Variants in PDE1C observed in about 807,000 individuals in gnomAD.
PDE1C encodes phosphodiesterase 1C, also known as dual specificity calcium/calmodulin-dependent 3',5'-cyclic nucleotide phosphodiesterase 1C.
A neutral mutation model predicts 93.1 loss-of-function variants in PDE1C; 62 were observed. That is an observed-to-expected ratio of 0.67 (90% CI 0.54 to 0.82). The LOEUF is 0.82. Among genes scored for constraint, PDE1C ranks in the 40% least tolerant of loss-of-function variants. PDE1C has a pLI of 0.00. For synonymous variants in PDE1C, 325 were observed against 310.1 expected (o/e 1.05, Z -0.50); for missense variants, 742 against 884.6 (o/e 0.84, Z 2.04).
chr7:32,141,582 G>A (rs1412472113), intron 3 of PDE1C, among the ~76,000 whole-genome samples: 1 of 152,144 alleles, frequency 6.6e-6, no homozygotes, highest in Non-Finnish European at 1.5e-5. Flanking sequence ...ACAGAGAGAT[G>A]ATATTTGACC....
At chr7:31,779,991 TC>T (rs1173489656) in intron 16 of PDE1C, among the ~76,000 whole-genome samples, 29 of 152,302 alleles carry the variant, frequency 1.9e-4, no homozygotes, top group African/African-American at 7.0e-4. Flanking sequence ...ACAGAAGGCT[TC>T]AGACCACCCA....
At chr7:31,776,109 A>G (rs1782941765) in intron 16 of PDE1C, among the ~76,000 whole-genome samples, 1 of 152,250 alleles carries the variant, frequency 6.6e-6, no homozygotes, top group Non-Finnish European at 1.5e-5. Flanking sequence ...TCTAATGTGC[A>G]TCCAGGATGG....
At chr7:32,206,335 A>T (rs966251255) in intron 2 of PDE1C, among the ~76,000 whole-genome samples, 2 of 152,138 alleles carry the variant, frequency 1.3e-5, no homozygotes, top group Non-Finnish European at 2.9e-5. Flanking sequence ...GTTTTTCTCT[A>T]GGTCAGGTGC....
At chr7:31,985,450 TC>T (rs1783253292) in intron 2 of PDE1C, among the ~76,000 whole-genome samples, 1 of 152,192 alleles carries the variant, frequency 6.6e-6, no homozygotes, top group Non-Finnish European at 1.5e-5. Flanking sequence ...TACTTTAAGT[TC>T]TAGGGAACAT....
chr7:31,993,374 G>T (rs538278558), intron 2 of PDE1C, among the ~76,000 whole-genome samples: 1 of 152,248 alleles, frequency 6.6e-6, no homozygotes, highest in South Asian at 2.1e-4. Flanking sequence ...AGCTTGACTG[G>T]AATAAGGAGG....
intron 3 of PDE1C, among the ~76,000 whole-genome samples, chr7:32,084,064 A>G (rs1195376963): frequency 1.3e-5 from 2 of 152,124 alleles, no homozygotes; most frequent in Non-Finnish European, 2.9e-5. Flanking sequence ...GGCAAATTGG[A>G]TAAAGAGTCA....
intron 2 of PDE1C, among the ~76,000 whole-genome samples, chr7:31,955,824 C>T (rs374309397): frequency 6.6e-6 from 1 of 152,194 alleles, no homozygotes; most frequent in African/African-American, 2.4e-5. Context: ...GCCAGTGCTA[C>T]GTCACTCTGG....
At chr7:32,270,630 C>T (rs539457036) in intron 1 of PDE1C, among the ~76,000 whole-genome samples, 1 of 152,234 alleles carries the variant, frequency 6.6e-6, no homozygotes, top group Non-Finnish European at 1.5e-5. Flanking sequence ...TAATGGCTGG[C>T]CTAGAGGCCC....
At chr7:31,735,773 G>A in the PDE1C span, among the ~76,000 whole-genome samples, 2 of 152,130 alleles carry the variant, frequency 1.3e-5, no homozygotes, top group African/African-American at 4.8e-5. Context: ...GTCTTCTTCT[G>A]TGCCTTTGAT....
chr7:32,081,660 T>G (rs573032605), intron 3 of PDE1C, among the ~76,000 whole-genome samples: 7 of 152,342 alleles, frequency 4.6e-5, no homozygotes, highest in Admixed American at 3.3e-4. Context: ...ATTGCCAGAT[T>G]CATCATCTCA....
intron 16 of PDE1C, among the ~76,000 whole-genome samples, chr7:31,779,127 G>A (rs530800818): frequency 6.6e-6 from 1 of 152,294 alleles, no homozygotes; most frequent in Admixed American, 6.5e-5. Context: ...TAGGGACCTG[G>A]GTATTTCACA....
chr7:31,790,581 G>C (rs542890340), intron 16 of PDE1C, among the ~76,000 whole-genome samples: 1 of 152,244 alleles, frequency 6.6e-6, no homozygotes, highest in African/African-American at 2.4e-5. Flanking sequence ...TTTGTTGCCA[G>C]ATCTGGTCAA....
chr7:32,384,859 G>A (rs1784595335), intron 1 of PDE1C, among the ~76,000 whole-genome samples: 1 of 152,142 alleles, frequency 6.6e-6, no homozygotes. Flanking sequence ...ATGGGATTCT[G>A]CATTTTTAAT....
chr7:31,632,866 TTTTA>T, the PDE1C span, among the ~76,000 whole-genome samples: 47 of 152,074 alleles, frequency 3.1e-4, no homozygotes, highest in African/African-American at 8.7e-4. Context: ...AGATTTTTAT[TTTTA>T]TTTATTTATT....
At chr7:32,332,763 G>A (rs1213224969) in intron 1 of PDE1C, among the ~76,000 whole-genome samples, 1 of 152,144 alleles carries the variant, frequency 6.6e-6, no homozygotes, top group African/African-American at 2.4e-5. Context: ...CAAGCATAAT[G>A]TTGAAAATGA....
chr7:32,289,299 C>A (rs2128896181), intron 1 of PDE1C, among the ~76,000 whole-genome samples: 1 of 152,272 alleles, frequency 6.6e-6, no homozygotes, highest in Non-Finnish European at 1.5e-5. Flanking sequence ...CCCAGCTACT[C>A]AGAGGCAGGC....
chr7:31,880,945 T>A (rs1199205495), intron 2 of PDE1C, 85 bp from the exon 3 acceptor site: 1 of 839,090 alleles, frequency 1.2e-6, no homozygotes, highest in Admixed American at 2.0e-5. Flanking sequence ...TTTACAGTCA[T>A]CGAATATTCT....
chr7:31,828,602 A>G (rs554208302), intron 11 of PDE1C, among the ~76,000 whole-genome samples: 1 of 152,336 alleles, frequency 6.6e-6, no homozygotes, highest in South Asian at 2.1e-4. Flanking sequence ...ATGTTGCTGT[A>G]AAGAAAGCCT....
At chr7:31,904,634 G>C (rs1356329054) in intron 2 of PDE1C, among the ~76,000 whole-genome samples, 1 of 151,478 alleles carries the variant, frequency 6.6e-6, no homozygotes, top group Non-Finnish European at 1.5e-5. Context: ...GCATTTACAG[G>C]TGGTCCATCA....
Sources: allele counts gnomAD v4.1 joint callset (sites outside exome capture counted in the v4.1 genomes callset), GRCh38; gene constraint gnomAD v4.1.1; transcripts MANE v1.5; gene names NCBI Gene and HGNC (gene_info 2026-07-23, HGNC 2026-07-21).